The following VCL variants were observed in gnomAD, a reference collection of about 807,000 sequenced individuals.
VCL encodes the protein epididymis luminal protein 114.
Under a neutral mutation model 125.7 loss-of-function variants are expected in VCL, and 47 were observed. That is an observed-to-expected ratio of 0.37 (90% CI 0.30 to 0.48). VCL has a LOEUF of 0.48. VCL is among the 20% of genes least tolerant of loss of function. The pLI is 0.99. For synonymous variants in VCL, 458 were observed against 514.6 expected (o/e 0.89, Z 1.49); for missense variants, 1,069 against 1,455.5 (o/e 0.73, Z 4.32).
chr10:74,014,641 AG>A (rs373376013), intron 1 of VCL, among the ~76,000 whole-genome samples: 1 of 152,206 alleles, frequency 6.6e-6, no homozygotes, highest in African/African-American at 2.4e-5. Flanking sequence ...CCAGCTTTCC[AG>A]GTAGAGTTGA....
Position 74,034,022 on chromosome 10 carries a change from ATG to A in VCL, c.169-9055_169-9054del, listed in dbSNP as rs201899532. Reference sequence around the variant, plus strand: ...TGTAAGCTCCATGAGATCTGGGGCCATGTGTGTTTTCTTCATCACTGTCTGTA... The same window carrying A: ...TGTAAGCTCCATGAGATCTGGGGCCATGTGTTTTCTTCATCACTGTCTGTA... On this transcript the variant is annotated intron_variant, in intron 1 of 21. Transcript: ENST00000211998. Among the ~76,000 whole-genome samples the A allele has an allele frequency of 5.4e-3, 820 of 152,286 alleles. 15 individuals carry two copies. The highest frequency in any genetic ancestry group is 0.016 in the Admixed American group (245 of 15,296).
In VCL at chr10:74,111,930, G is replaced by A; in HGVS notation, c.2767G>A (p.Val923Met). Residue 923 changes from valine to methionine, a missense_variant, in exon 19 of 22, where the codon GTG becomes ATG. Coordinates refer to ENST00000211998, the MANE Select transcript of VCL (RefSeq NM_014000.3). ...SSKPGIPAAE[V>M]GIGVVAEADA... ...AAAGCCGGGCATCCCAGCCGCTGAG[G>A]TGGGTATAGGTGTTGTAGCTGAGGC... 1 of 1,614,198 alleles carries A rather than the reference G, an allele frequency of 6.2e-7. No individual in the cohort carries two copies. Among genetic ancestry groups the A allele is most frequent in the Non-Finnish European group, 8.5e-7 (1 of 1,180,032 alleles).
In VCL at chr10:74,114,149, G is replaced by A. The variant is rs748303874; in HGVS notation, c.2950-35G>A. 9.9e-6 allele frequency: 16 copies of A among 1,609,028 alleles called. No homozygotes were observed. The Admixed American group carries it at 1.0e-4, about 10-fold the overall frequency. On this transcript the variant is annotated intron_variant, in intron 19 of 21. Coordinates refer to ENST00000211998, the MANE Select transcript of VCL (RefSeq NM_014000.3). ...CCTTCCTTAACATGGCCAGAGCGTG[G>A]GCAGAGCTCACACTGTATCTTTGCT...
At chr10:74,110,503 C>CGT (rs1840204234) in intron 18 of VCL, among the ~76,000 whole-genome samples, 1 of 152,104 alleles carries the variant, frequency 6.6e-6, no homozygotes, top group African/African-American at 2.4e-5. Context: ...AATATCTGTT[C>CGT]GTGTGTCTGT....
chr10:74,094,687 A>G (rs1404745679), intron 11 of VCL, among the ~76,000 whole-genome samples: 1 of 152,238 alleles, frequency 6.6e-6, no homozygotes, highest in African/African-American at 2.4e-5. Flanking sequence ...TTGGGAGGCT[A>G]AGGTGGGAGG....
rs111631767 is a variant in VCL, at chr10:74,069,860, C to T, written c.240-810C>T. 2.9e-4 allele frequency among the ~76,000 whole-genome samples: 44 copies of T among 152,224 alleles called. 1 individual carries two copies. Among genetic ancestry groups the T allele is most frequent in the African/African-American group, 9.4e-4 (39 of 41,542 alleles). ...TTTTGGGTTCCTCTTTTAAATGAAT[C>T]CCCCGCCCAGCTCCCCTTCCACCAC... On this transcript the variant is annotated intron_variant, in intron 2 of 21. Coordinates refer to ENST00000211998, the MANE Select transcript of VCL (RefSeq NM_014000.3).
At chr10:74,007,463 G>T (rs1245740621) in intron 1 of VCL, among the ~76,000 whole-genome samples, 1 of 152,118 alleles carries the variant, frequency 6.6e-6, no homozygotes, top group Non-Finnish European at 1.5e-5. Context: ...TTCCTCAGTG[G>T]CAGGGACAAT....
chr10:74,030,540 C>T (rs937780723), intron 1 of VCL, among the ~76,000 whole-genome samples: 2 of 152,094 alleles, frequency 1.3e-5, no homozygotes, highest in Admixed American at 1.3e-4. Context: ...GGAACTTTTC[C>T]GTCTGAGAGG....
intron 19 of VCL, among the ~76,000 whole-genome samples, chr10:74,112,436 G>A (rs1840240807): frequency 6.6e-6 from 1 of 152,162 alleles, no homozygotes; most frequent in Non-Finnish European, 1.5e-5. Context: ...ATGACTTCCA[G>A]GTCAGGAACC....
chr10:74,029,214 T>C (rs1436451788), intron 1 of VCL, among the ~76,000 whole-genome samples: 1 of 151,774 alleles, frequency 6.6e-6, no homozygotes, highest in Non-Finnish European at 1.5e-5. Flanking sequence ...CCTGGGTTCA[T>C]GCCATTCTCC....
At chr10:74,043,187 A>T in intron 2 of VCL, 34 bp downstream of exon 2, 1 of 1,565,980 alleles carries the variant, frequency 6.4e-7, no homozygotes. Flanking sequence ...GTTGCTAAGC[A>T]GAATAATACT....
intron 2 of VCL, among the ~76,000 whole-genome samples, chr10:74,065,683 CAA>C (rs34028366): frequency 1.1e-4 from 13 of 113,294 alleles, no homozygotes; most frequent in Non-Finnish European, 1.3e-4. Context: ...GACCCTGTCT[CAA>C]AAAAAAAAAA....
rs531676463 is a variant in VCL at position 74,006,992 on chromosome 10, A to G, written c.168+8617A>G. ...ATTTATTTATTTATTTTGAGACAGGATCTTGCTCTGCTGCTCAGGCTGGAG... is the reference window on the plus strand; with the variant it reads ...ATTTATTTATTTATTTTGAGACAGGGTCTTGCTCTGCTGCTCAGGCTGGAG... On this transcript the variant is annotated intron_variant, in intron 1 of 21. Transcript: ENST00000211998. 7.2e-4 allele frequency among the ~76,000 whole-genome samples: 110 copies of G among 152,178 alleles called. 1 individual carries two copies. Among genetic ancestry groups the G allele is most frequent in the African/African-American group, 2.6e-3 (108 of 41,534 alleles).
At chr10:74,035,880 C>A (rs564785438) in intron 1 of VCL, among the ~76,000 whole-genome samples, 2 of 152,172 alleles carry the variant, frequency 1.3e-5, no homozygotes, top group Admixed American at 6.5e-5. Context: ...TCTTTATTCC[C>A]TAAACAATAC....
intron 6 of VCL, among the ~76,000 whole-genome samples, chr10:74,078,162 CTT>C (rs1465417449): frequency 6.6e-6 from 1 of 152,112 alleles, no homozygotes; most frequent in Non-Finnish European, 1.5e-5. Context: ...ACTGCTAAGA[CTT>C]TGAACCCTAC....
intron 1 of VCL, 60 bp downstream of exon 1, chr10:73,998,435 C>G (rs1480299508): frequency 7.7e-7 from 1 of 1,306,340 alleles, no homozygotes; most frequent in Non-Finnish European, 9.7e-7. Flanking sequence ...GGCCCCGGCC[C>G]GCGTCGCGGC....
At chr10:74,068,055 C>G (rs559652228) in intron 2 of VCL, among the ~76,000 whole-genome samples, 2 of 152,244 alleles carry the variant, frequency 1.3e-5, no homozygotes, top group East Asian at 3.9e-4. Flanking sequence ...TGGTGAAGAT[C>G]CAAAATTTGA....
At chr10:74,008,897 A>G (rs755620743) in intron 1 of VCL, among the ~76,000 whole-genome samples, 9 of 152,170 alleles carry the variant, frequency 5.9e-5, no homozygotes, top group Non-Finnish European at 1.3e-4. Flanking sequence ...TCAACCCTTA[A>G]ACCTTTCCAT....
At chr10:74,038,028 C>T (rs1005626901) in intron 1 of VCL, among the ~76,000 whole-genome samples, 3 of 146,384 alleles carry the variant, frequency 2.0e-5, no homozygotes, top group Non-Finnish European at 4.5e-5. Flanking sequence ...GACGGAGTCT[C>T]GCTCTGTCGC....
Sources: gnomAD v4.1 joint callset for allele counts (sites outside exome capture counted in the v4.1 genomes callset) on GRCh38, gnomAD v4.1.1 for gene constraint, MANE v1.5 for transcripts, NCBI Gene and HGNC (gene_info 2026-07-23, HGNC 2026-07-21) for gene names.